The following CCDC186 variants were observed in gnomAD, a reference collection of about 807,000 sequenced individuals.
The protein encoded by CCDC186 is coiled-coil domain containing 186.
CCDC186 carries 49 observed loss-of-function variants against 113.7 expected under a neutral mutation model. The ratio of observed to expected loss-of-function variants is 0.43; its 90% CI spans 0.34 to 0.55. The LOEUF (loss-of-function observed/expected upper bound fraction) is 0.55. Among genes scored for constraint, CCDC186 ranks in the 20% least tolerant of loss-of-function variants. The pLI is 0.02. For synonymous variants in CCDC186, 355 were observed against 345.8 expected, an observed-to-expected ratio of 1.03 and a Z score of -0.30; for missense variants, 890 against 1,011.1, an observed-to-expected ratio of 0.88 and a Z score of 1.62.
chr10:114,125,870 T>G lies in CCDC186; in HGVS notation c.2613+16A>C. 1 of 1,605,768 alleles carries G rather than the reference T, an allele frequency of 6.2e-7. No individual in the cohort carries two copies. Among genetic ancestry groups the G allele is most frequent in the Non-Finnish European group, 8.5e-7 (1 of 1,172,656 alleles). Reference sequence around the variant, plus strand: ...CCATGTTTACTGGTTGGTGTGTGAATGAGAAACACAAATACCTTCAAAGTA... The same window carrying G: ...CCATGTTTACTGGTTGGTGTGTGAAGGAGAAACACAAATACCTTCAAAGTA... On this transcript the variant is annotated intron_variant, in intron 15 of 15. Coordinates refer to ENST00000369287, the MANE Select transcript of CCDC186 (RefSeq NM_018017.4).
chr10:114,140,011 T>TC (rs1258919202), intron 6 of CCDC186, among the ~76,000 whole-genome samples: 2 of 152,250 alleles, frequency 1.3e-5, no homozygotes, highest in Non-Finnish European at 2.9e-5. Context: ...TTTCACTTAT[T>TC]CATTCATTCA....
chr10:114,150,957 C>A, intron 4 of CCDC186, 135 bp downstream of exon 4: 1 of 1,069,118 alleles, frequency 9.4e-7, no homozygotes, highest in East Asian at 2.9e-5. Context: ...GGCCTAATGG[C>A]TTACTTTTAT....
chr10:114,153,458 G>A (rs2031913509), intron 3 of CCDC186, among the ~76,000 whole-genome samples: 1 of 152,062 alleles, frequency 6.6e-6, no homozygotes, highest in Non-Finnish European at 1.5e-5. Context: ...AATGCTTAGA[G>A]GAAAATTTAT....
At chr10:114,173,214 G>A (rs1410587455) in intron 1 of CCDC186, 1 of 455,968 alleles carries the variant, frequency 2.2e-6, no homozygotes, top group East Asian at 6.9e-5. Context: ...TCAAGTGAAA[G>A]AAGTAGGATT....
rs367801730 is a variant in CCDC186, at chr10:114,157,723, T to G, written c.633-43A>C. 4.1e-6 allele frequency: 6 copies of G among 1,451,534 alleles called. No homozygotes were observed. The African/African-American group carries it at 8.6e-5, about 21-fold the overall frequency. The allele number at this position is 1,451,534 out of a possible 1,614,324, so 89.9% of individuals were successfully genotyped here. On this transcript the variant is annotated intron_variant, in intron 2 of 15. Transcript: ENST00000369287. The stretch of plus-strand genomic sequence containing the variant: ...AGTGTATGTAAAACATAATTTAAAA[T>G]GGAGATAAAATAATATGTGGAATAT...
In CCDC186 at chr10:114,145,516, AG is replaced by A. The variant is rs769467719; in HGVS notation, c.1101+32del. On this transcript the variant is annotated intron_variant, in intron 5 of 15. Transcript: ENST00000369287. ...AAGCAAAGAGAACAAATTTCAAATAAGGTCAACATATTTCAAATGGCACAAG... is the reference window on the plus strand; with the variant it reads ...AAGCAAAGAGAACAAATTTCAAATAAGTCAACATATTTCAAATGGCACAAG... The A allele has an allele frequency of 3.4e-6, 5 of 1,490,680 alleles. No homozygotes were observed. The South Asian group carries it at 6.5e-5, about 19-fold the overall frequency. 92.3% of individuals were successfully genotyped at this position (1,490,680 alleles called of 1,614,324 possible).
At chr10:114,129,745 G>A (rs957574923) in intron 13 of CCDC186, 146 bp downstream of exon 13, 1 of 585,370 alleles carries the variant, frequency 1.7e-6, no homozygotes, top group East Asian at 3.5e-5. Context: ...GGCCAGACTG[G>A]TCTTGAACTT....
intron 6 of CCDC186, among the ~76,000 whole-genome samples, chr10:114,143,733 G>A (rs777649305): frequency 1.1e-4 from 16 of 152,026 alleles, no homozygotes; most frequent in Non-Finnish European, 1.8e-4. Context: ...TATTTAATGC[G>A]GTAATCCACG....
In CCDC186 at chr10:114,135,015, T is replaced by C; in HGVS notation, c.1553A>G (p.Glu518Gly). The C allele has an allele frequency of 1.9e-6, 3 of 1,611,340 alleles. No individual in the cohort carries two copies. The highest frequency in any genetic ancestry group is 2.5e-6 in the Non-Finnish European group (3 of 1,179,290). Reference sequence around the variant, plus strand: ...AATAATTTCCTTATATTTTGATAATTCATCTTCTGTTCTTAATCGTTCATC... The same window carrying C: ...AATAATTTCCTTATATTTTGATAATCCATCTTCTGTTCTTAATCGTTCATC... Reference protein sequence around the residue: ...LEDERLRTEDELSKYKEIINR... With the variant: ...LEDERLRTEDGLSKYKEIINR... The change falls in exon 10 of 16, where the codon GAA (glutamate) becomes GGA (glycine). Residue 518 changes from glutamate (E) to glycine (G), a missense_variant. Physicochemically the swap from Glu to Gly is moderately conservative, Grantham distance 98 (BLOSUM62 -2). Transcript: ENST00000369287.
chr10:114,131,353 AC>A lies in CCDC186; in HGVS notation c.1912-18del. On this transcript the variant is annotated intron_variant, in intron 11 of 15. Transcript: ENST00000369287. ...CCTACTTTCCTGAATAGTAAGTAAAACAAAAACCACCAATTTTAGTATGTTT... is the reference window on the plus strand; with the variant it reads ...CCTACTTTCCTGAATAGTAAGTAAAAAAAAACCACCAATTTTAGTATGTTT... 2.0e-6 allele frequency: 3 copies of A among 1,525,824 alleles called. No homozygotes were observed. Among genetic ancestry groups the A allele is most frequent in the Non-Finnish European group, 2.6e-6 (3 of 1,141,418 alleles). 94.5% of individuals were successfully genotyped at this position (1,525,824 alleles called of 1,614,324 possible).
chr10:114,136,050 T>C, intron 8 of CCDC186, 73 bp from the exon 9 acceptor site: 1 of 1,505,004 alleles, frequency 6.6e-7, no homozygotes. Flanking sequence ...GCCTGTTCCT[T>C]CCAAAAGGCC....
At chr10:114,129,506 A>G (rs890816159) in intron 13 of CCDC186, among the ~76,000 whole-genome samples, 1 of 152,122 alleles carries the variant, frequency 6.6e-6, no homozygotes, top group Admixed American at 6.6e-5. Flanking sequence ...GAAACAAAGC[A>G]TATCAATACT....
At chr10:114,151,018 A>T (rs2031840406) in intron 4 of CCDC186, 74 bp downstream of exon 4, 7 of 1,549,158 alleles carry the variant, frequency 4.5e-6, no homozygotes, top group Non-Finnish European at 6.1e-6. Context: ...AAATAGTCTA[A>T]CAGTGTTAGC....
intron 10 of CCDC186, among the ~76,000 whole-genome samples, chr10:114,133,161 G>A (rs1009822331): frequency 1.3e-5 from 2 of 152,166 alleles, no homozygotes; most frequent in East Asian, 3.8e-4. Context: ...AGTTTTCCAG[G>A]TGAGAGCTGC....
intron 1 of CCDC186, among the ~76,000 whole-genome samples, 152 bp downstream of exon 1, chr10:114,173,863 G>A (rs1196297743): frequency 6.6e-6 from 1 of 152,208 alleles, no homozygotes; most frequent in African/African-American, 2.4e-5. Flanking sequence ...CCTCAAAGGA[G>A]CCAGGCGGGG....
At chr10:114,137,047 G>A (rs1267853470) in intron 7 of CCDC186, 139 bp downstream of exon 7, 3 of 573,468 alleles carry the variant, frequency 5.2e-6, no homozygotes, top group East Asian at 3.2e-5. Flanking sequence ...TACCCGGGAG[G>A]CAGAGGTTGC....
intron 10 of CCDC186, among the ~76,000 whole-genome samples, chr10:114,133,964 T>C (rs190504119): frequency 6.6e-6 from 1 of 152,126 alleles, no homozygotes; most frequent in East Asian, 1.9e-4. Context: ...TGGAGAAAGG[T>C]AAGACATAAA....
intron 14 of CCDC186, among the ~76,000 whole-genome samples, chr10:114,126,910 G>A (rs1261687469): frequency 6.6e-6 from 1 of 152,176 alleles, no homozygotes; most frequent in Non-Finnish European, 1.5e-5. Context: ...GCTGGGTTTG[G>A]ATCTCCAGCT....
chr10:114,152,308 C>G (rs900934921), intron 3 of CCDC186, among the ~76,000 whole-genome samples: 1 of 149,740 alleles, frequency 6.7e-6, no homozygotes, highest in Non-Finnish European at 1.5e-5. Context: ...CACCATGGTA[C>G]GCCAGCCAGA....
Sources: gnomAD v4.1 joint callset for allele counts (sites outside exome capture counted in the v4.1 genomes callset) on GRCh38, gnomAD v4.1.1 for gene constraint, MANE v1.5 for transcripts, NCBI Gene and HGNC (gene_info 2026-07-23, HGNC 2026-07-21) for gene names.